PRR14: variants seen among roughly 807,000 people sequenced by gnomAD.
PRR14 encodes the protein proline rich 14.
A neutral mutation model predicts 57.2 loss-of-function variants in PRR14; 33 were observed. That is an observed-to-expected ratio of 0.58 (90% CI 0.44 to 0.77). The LOEUF (loss-of-function observed/expected upper bound fraction) is 0.77, where lower values mean the gene tolerates loss of function less well. Ranked by LOEUF, PRR14 falls within the 30% of genes least tolerant of loss-of-function variation. PRR14 has a pLI of 0.00. For missense variants in PRR14, 716 were observed against 788.1 expected (o/e 0.91, Z 1.10); for synonymous variants, 303 against 314.7 (o/e 0.96, Z 0.39).
In PRR14 at chr16:30,651,999, C is replaced by G; in HGVS notation, c.192+35C>G. ...CTGAACCAAGAGACTCTCTATTCCCCCATGACTTTCCTCACTACCAAACTC... is the reference window on the plus strand; with the variant it reads ...CTGAACCAAGAGACTCTCTATTCCCGCATGACTTTCCTCACTACCAAACTC... On this transcript the variant is annotated intron_variant, in intron 3 of 11. Coordinates refer to ENST00000300835, the MANE Select transcript of PRR14 (RefSeq NM_024031.5). The surrounding 1 kb of genome is among the most constrained non-coding windows in gnomAD (Gnocchi z 5.0). 6.6e-7 allele frequency: 1 copy of G among 1,515,878 alleles called. No homozygotes were observed. The highest frequency in any genetic ancestry group is 2.3e-5 in the East Asian group (1 of 44,076). The allele number at this position is 1,515,878 out of a possible 1,614,324, so 93.9% of individuals were successfully genotyped here.
In PRR14 at chr16:30,652,352, C is replaced by G. The variant is rs913013277; in HGVS notation, c.193-369C>G. The G allele has an allele frequency of 8.8e-6, 5 of 566,254 alleles. No homozygotes were observed. The Admixed American group carries it at 1.1e-4, about 13-fold the overall frequency. 35.1% of individuals were successfully genotyped at this position (566,254 alleles called of 1,614,324 possible). On this transcript the variant is annotated intron_variant, in intron 3 of 11. Transcript: ENST00000300835. ...TTGGGATTACAGGCGTGAGCCACGG[C>G]GCTGGGCCGAAACTCTTCTGCTTTC...
chr16:30,655,240 AAGCCTGGCTGC>A lies in PRR14; in HGVS notation c.1244+34_1244+44del, dbSNP rs1260502264. 1 of 1,594,350 alleles carries A rather than the reference AAGCCTGGCTGC, an allele frequency of 6.3e-7. No individual in the cohort carries two copies. Among genetic ancestry groups the A allele is most frequent in the Admixed American group, 1.7e-5 (1 of 58,350 alleles). On this transcript the variant is annotated intron_variant, in intron 8 of 11. Transcript: ENST00000300835. This position sits in a 1 kb window ranked among gnomAD's most constrained non-coding sequence, Gnocchi z 4.6. ...GTAGTGCTCTCAAAAAACCCCCTTGAAGCCTGGCTGCAGCCTGGTCCCAGCCTCCTTCCCTG... is the reference window on the plus strand; with the variant it reads ...GTAGTGCTCTCAAAAAACCCCCTTGAAGCCTGGTCCCAGCCTCCTTCCCTG...
Position 30,655,203 on chromosome 16 carries a change from A to G in PRR14, c.1233A>G (p.Pro411=). The G allele has an allele frequency of 6.3e-7, 1 of 1,593,186 alleles. No individual in the cohort carries two copies. Among genetic ancestry groups the G allele is most frequent in the South Asian group, 1.1e-5 (1 of 89,222 alleles). The stretch of plus-strand genomic sequence containing the variant: ...CGGCATCCACTTCCTTCTCCGAACC[A>G]GCAGAACCCAGGTAGTGCTCTCAAA... ...SSTASTSFSE[P]AEPRLGSTKG... The change falls in exon 8 of 12, where the codon CCA becomes CCG. Residue 411 remains proline, a synonymous_variant. Transcript: ENST00000300835. This position sits in a 1 kb window ranked among gnomAD's most constrained non-coding sequence, Gnocchi z 4.6.
intron 3 of PRR14, 39 bp from the exon 4 acceptor site, chr16:30,652,682 A>G (rs553758913): frequency 1.5e-5 from 25 of 1,613,820 alleles, no homozygotes; most frequent in East Asian, 2.2e-5. Context: ...GTCCAGCCTC[A>G]TTCTATCACC....
intron 5 of PRR14, 70 bp from the exon 6 acceptor site, chr16:30,653,295 A>G: frequency 2.6e-6 from 4 of 1,539,484 alleles, no homozygotes; most frequent in Non-Finnish European, 3.6e-6. Context: ...CCGGGAACTG[A>G]AAGAGTCAGG....
rs753015865 is a variant in PRR14, at chr16:30,655,735, A to C, written c.1407-133A>C. 9.2e-6 allele frequency: 12 copies of C among 1,305,062 alleles called. No individual in the cohort carries two copies. Among genetic ancestry groups the C allele is most frequent in the Non-Finnish European group, 1.3e-5 (12 of 904,278 alleles). The allele number at this position is 1,305,062 out of a possible 1,614,324, so 80.8% of individuals were successfully genotyped here. A position where few individuals can be genotyped will look rare whatever the true frequency, so the allele number is the denominator to read the frequency against. On this transcript the variant is annotated intron_variant, in intron 10 of 11. Transcript: ENST00000300835. This position sits in a 1 kb window ranked among gnomAD's most constrained non-coding sequence, Gnocchi z 4.6. ...GGTGTGGGGATGGTTTGTGCTCAAA[A>C]TTGCCTGTCTGCCTTATGTAGCACT...
chr16:30,654,675 C>G lies in PRR14; in HGVS notation c.705C>G (p.Ser235Arg), dbSNP rs748504958. ...LELPSTPPPS[S>R]LLRPRLSPWG... ...TCCCATCCACCCCACCACCGTCCAG[C>G]CTTTTACGCCCCCGCCTCAGTCCCT... Residue 235 changes from serine to arginine, a missense_variant, in exon 8 of 12, where the codon AGC (serine) becomes AGG (arginine). By Grantham distance (110) the Ser-to-Arg change is moderately radical. Transcript: ENST00000300835. 3 of 1,613,248 alleles carry G rather than the reference C, an allele frequency of 1.9e-6. No individual in the cohort carries two copies. Among genetic ancestry groups the G allele is most frequent in the Non-Finnish European group, 2.5e-6 (3 of 1,179,588 alleles).
rs755471302 is a variant in PRR14 at position 30,651,669 on chromosome 16, G to C, written c.23+1G>C. On this transcript the variant is annotated splice_donor_variant, in intron 2 of 11. Coordinates refer to ENST00000300835, the MANE Select transcript of PRR14 (RefSeq NM_024031.5). LOFTEE classifies it high-confidence loss of function. The surrounding 1 kb of genome is among the most constrained non-coding windows in gnomAD (Gnocchi z 5.0). ...CCATGGACTTGCCCGGGGACTCCAG[G>C]TGAGAGCGTACCCGGGCGGCCCGCC... 5.0e-6 allele frequency: 8 copies of C among 1,611,564 alleles called. No individual in the cohort carries two copies. The highest frequency in any genetic ancestry group is 6.8e-6 in the Non-Finnish European group (8 of 1,179,496).
Position 30,651,641 on chromosome 16 carries a change from C to T in PRR14, c.-5C>T, listed in dbSNP as rs1341288158. 6.3e-7 allele frequency: 1 copy of T among 1,595,022 alleles called. No individual in the cohort carries two copies. Among genetic ancestry groups the T allele is most frequent in the South Asian group, 1.1e-5 (1 of 90,362 alleles). ...AGGGACCCCCCCGGAGCCGCCGCGTCTCCCATGGACTTGCCCGGGGACTCC... is the reference window on the plus strand; with the variant it reads ...AGGGACCCCCCCGGAGCCGCCGCGTTTCCCATGGACTTGCCCGGGGACTCC... On this transcript the variant is annotated 5_prime_UTR_variant, in exon 2 of 12. Transcript: ENST00000300835. This position sits in a 1 kb window ranked among gnomAD's most constrained non-coding sequence, Gnocchi z 5.0.
At position 30,656,364 on chromosome 16, in the gene PRR14, GTTAT is replaced by G. The variant is rs2052372772; in HGVS notation, c.*56_*59del. Reference sequence around the variant, plus strand: ...GAAGGGACAGGAAACCTCCCAGGCAGTTATTTTTTTTTCTCTATATTTCTAGTAA... The same window carrying G: ...GAAGGGACAGGAAACCTCCCAGGCAGTTTTTTTTCTCTATATTTCTAGTAA... On this transcript the variant is annotated 3_prime_UTR_variant, in exon 12 of 12. Coordinates refer to ENST00000300835, the MANE Select transcript of PRR14 (RefSeq NM_024031.5). 2.0e-6 allele frequency: 3 copies of G among 1,508,712 alleles called. No individual in the cohort carries two copies. In the Admixed American group the frequency reaches 6.9e-5, roughly 34 times the overall value. 93.5% of individuals were successfully genotyped at this position (1,508,712 alleles called of 1,614,324 possible).
Position 30,655,502 on chromosome 16 carries a change from A to T in PRR14, c.1315A>T (p.Thr439Ser). 1 of 1,614,156 alleles carries T rather than the reference A, an allele frequency of 6.2e-7. No homozygotes were observed. The highest frequency in any genetic ancestry group is 8.5e-7 in the Non-Finnish European group (1 of 1,180,020). ...TTCACCCTCTGCCCCATTTTTGCAGACCATGGGAAAGGTTTCTCGATTCAG... is the reference window on the plus strand; with the variant it reads ...TTCACCCTCTGCCCCATTTTTGCAGTCCATGGGAAAGGTTTCTCGATTCAG... ...DQVLSEPETKTMGKVSRFRIR... is the reference protein window; with the variant it reads ...DQVLSEPETKSMGKVSRFRIR... Residue 439 changes from threonine (T) to serine (S), a missense_variant and splice_region_variant, in exon 10 of 12, where the codon ACC becomes TCC. Coordinates refer to ENST00000300835, the MANE Select transcript of PRR14 (RefSeq NM_024031.5). This position sits in a 1 kb window ranked among gnomAD's most constrained non-coding sequence, Gnocchi z 4.6.
rs746088400 is a variant in PRR14, at chr16:30,654,688, C to A, written c.718C>A (p.Arg240Ser). Residue 240 changes from arginine to serine, a missense_variant, in exon 8 of 12, where the codon CGC becomes AGC. Transcript: ENST00000300835. ...TPPPSSLLRP[R>S]LSPWGLAPLF... is the part of the protein sequence containing the mutation. ...ACCACCGTCCAGCCTTTTACGCCCC[C>A]GCCTCAGTCCCTGGGGCTTGGCCCC... 4 of 1,613,612 alleles carry A rather than the reference C, an allele frequency of 2.5e-6. No homozygotes were observed. The highest frequency in any genetic ancestry group is 2.2e-5 in the East Asian group (1 of 44,900).
Position 30,656,180 on chromosome 16 carries a change from G to T in PRR14, c.1627G>T (p.Gly543Cys). The T allele has an allele frequency of 1.2e-6, 2 of 1,609,850 alleles. No homozygotes were observed. The highest frequency in any genetic ancestry group is 1.7e-6 in the Non-Finnish European group (2 of 1,178,556). Reference sequence around the variant, plus strand: ...GTCCCGTGGGGTCCGGGCTGCAGGGGGCAGGACTGTTCCTCCCAATGTGGC... The same window carrying T: ...GTCCCGTGGGGTCCGGGCTGCAGGGTGCAGGACTGTTCCTCCCAATGTGGC... Reference protein sequence around the residue: ...RPSRGVRAAGGRTVPPNVAPS... With the variant: ...RPSRGVRAAGCRTVPPNVAPS... The change falls in exon 12 of 12, where the codon GGC (glycine) becomes TGC (cysteine). Residue 543 changes from glycine to cysteine, a missense_variant. Coordinates refer to ENST00000300835, the MANE Select transcript of PRR14 (RefSeq NM_024031.5).
At position 30,653,104 on chromosome 16, in the gene PRR14, G is replaced by A; in HGVS notation, c.504+1G>A. 1 of 1,598,804 alleles carries A rather than the reference G, an allele frequency of 6.3e-7. No individual in the cohort carries two copies. The highest frequency in any genetic ancestry group is 8.5e-7 in the Non-Finnish European group (1 of 1,171,412). On this transcript the variant is annotated splice_donor_variant, in intron 5 of 11. Transcript: ENST00000300835. LOFTEE classifies it high-confidence loss of function. ...CGCCAGTCCTAGACCCCCCGCTGAG[G>A]TATGGGAACTGAGGGTACGGATGTC...
chr16:30,656,334 A>G lies in PRR14; in HGVS notation c.*23A>G, dbSNP rs778793604. ...TAGGTGCCCCATCTGTTGGTCATCCATCCTGAAGGGACAGGAAACCTCCCA... is the reference window on the plus strand; with the variant it reads ...TAGGTGCCCCATCTGTTGGTCATCCGTCCTGAAGGGACAGGAAACCTCCCA... On this transcript the variant is annotated 3_prime_UTR_variant, in exon 12 of 12. Transcript: ENST00000300835. The G allele has an allele frequency of 6.3e-7, 1 of 1,584,846 alleles. No individual in the cohort carries two copies. Among genetic ancestry groups the G allele is most frequent in the Non-Finnish European group, 8.5e-7 (1 of 1,172,046 alleles).
At position 30,651,426 on chromosome 16, in the gene PRR14, C is replaced by T. The variant is rs1029348385; in HGVS notation, c.-50-170C>T. The T allele has an allele frequency of 2.1e-6, 1 of 482,512 alleles. No individual in the cohort carries two copies. Among genetic ancestry groups the T allele is most frequent in the South Asian group, 3.3e-5 (1 of 30,336 alleles). 29.9% of individuals were successfully genotyped at this position (482,512 alleles called of 1,614,324 possible). A position where few individuals can be genotyped will look rare whatever the true frequency, so the allele number is the denominator to read the frequency against. On this transcript the variant is annotated intron_variant, in intron 1 of 11. Coordinates refer to ENST00000300835, the MANE Select transcript of PRR14 (RefSeq NM_024031.5). This position sits in a 1 kb window ranked among gnomAD's most constrained non-coding sequence, Gnocchi z 5.0. The stretch of plus-strand genomic sequence containing the variant: ...GGCGCGAGTGATCCGCTGATCGAGG[C>T]GGTGGCAGCGGGAGGACACCCGCTC...
chr16:30,655,508 G>C lies in PRR14; in HGVS notation c.1321G>C (p.Gly441Arg), dbSNP rs1292461964. The C allele has an allele frequency of 6.2e-7, 1 of 1,614,046 alleles. No individual in the cohort carries two copies. Among genetic ancestry groups the C allele is most frequent in the Non-Finnish European group, 8.5e-7 (1 of 1,180,014 alleles). Residue 441 changes from glycine to arginine, a missense_variant, in exon 10 of 12, where the codon GGA (glycine) becomes CGA (arginine). Transcript: ENST00000300835. The surrounding 1 kb of genome is among the most constrained non-coding windows in gnomAD (Gnocchi z 4.6). The part of the protein sequence containing the change: ...VLSEPETKTM[G>R]KVSRFRIRRT... The stretch of plus-strand genomic sequence containing the variant: ...CTCTGCCCCATTTTTGCAGACCATG[G>C]GAAAGGTTTCTCGATTCAGAATACG...
At chr16:30,653,436 A>G in intron 6 of PRR14, 28 bp downstream of exon 6, 2 of 1,608,978 alleles carry the variant, frequency 1.2e-6, no homozygotes, top group Non-Finnish European at 1.7e-6. Context: ...GGGATTATCA[A>G]AGGATCCAGG....
At chr16:30,652,111 C>T (rs2052319602) in intron 3 of PRR14, 147 bp downstream of exon 3, 2 of 899,624 alleles carry the variant, frequency 2.2e-6, no homozygotes, top group African/African-American at 1.7e-5. Flanking sequence ...TGGTAGAGTC[C>T]TGCTTGGCTC....
Sources: gnomAD v4.1 joint callset for allele counts on GRCh38, gnomAD v4.1.1 for gene constraint, Gnocchi (gnomAD v3.1) non-coding constraint, MANE v1.5 for transcripts, NCBI Gene and HGNC (gene_info 2026-07-23, HGNC 2026-07-21) for gene names.